ZNF682: variants seen among roughly 807,000 people sequenced by gnomAD.
The protein encoded by ZNF682 is zinc finger protein 682.
ZNF682 carries 29 observed loss-of-function variants against 36.5 expected under a neutral mutation model. The ratio of observed to expected loss-of-function variants is 0.80; its 90% CI spans 0.59 to 1.08. The LOEUF is 1.08. Ranked by LOEUF, ZNF682 falls within the 50% of genes least tolerant of loss-of-function variation. The pLI, the probability that ZNF682 is intolerant of heterozygous loss-of-function variation, is 0.00. For synonymous variants in ZNF682, 180 were observed against 197.0 expected (o/e 0.91, Z 0.72); for missense variants, 561 against 579.7 (o/e 0.97, Z 0.33).
chr19:20,007,398 ACACT>A (rs1177092952), intron 3 of ZNF682, 123 bp from the exon 4 acceptor site: 3 of 874,452 alleles, frequency 3.4e-6, no homozygotes, highest in South Asian at 2.0e-5. Context: ...CAGCTGGGAA[ACACT>A]CACTCCAAGG....
chr19:20,018,454 G>A (rs1177086667), intron 3 of ZNF682, among the ~76,000 whole-genome samples: 4 of 152,066 alleles, frequency 2.6e-5, no homozygotes, highest in African/African-American at 9.7e-5. Context: ...CAACAAAGAG[G>A]TATTACACTT....
At chr19:19,997,234 TG>T in exon 4 of ZNF682, 2 of 398,672 alleles carry the variant, frequency 5.0e-6, no homozygotes, top group East Asian at 7.1e-5. Flanking sequence ...AGGACAGGAC[TG>T]GGGTCCTACT....
rs368482233 is a variant in ZNF682 at position 20,025,570 on chromosome 19, G to A, written c.4-1194C>T. ...CACGTGCCTGTAATCCCAGCTACTC[G>A]GGAGGCAGAGGTAGCAGAATTGCTT... On this transcript the variant is annotated intron_variant, in intron 1 of 3. Transcript: ENST00000397165. Among the ~76,000 whole-genome samples, 21 of 152,116 alleles carry A rather than the reference G, an allele frequency of 1.4e-4. No homozygotes were observed. The East Asian group carries it at 2.9e-3, about 21-fold the overall frequency.
At position 20,006,730 on chromosome 19, in the gene ZNF682, T is replaced by C. The variant is rs772843196; in HGVS notation, c.772A>G (p.Lys258Glu). The C allele has an allele frequency of 6.2e-7, 1 of 1,614,024 alleles. No individual in the cohort carries two copies. ...AAGGCTTTTCCACATTCTTCACATT[T>C]GTAGGGTTTCTCACCAGTATGGATT... ...KRIHTGEKPY[K>E]CEECGKAFHW... The change falls in exon 4 of 4, where the codon AAA becomes GAA. Residue 258 changes from lysine (K) to glutamate (E), a missense_variant. Coordinates refer to ENST00000397165, the MANE Select transcript of ZNF682 (RefSeq NM_033196.3).
intron 1 of ZNF682, 25 bp from the exon 2 acceptor site, chr19:20,024,401 G>T: frequency 6.3e-7 from 1 of 1,595,878 alleles, no homozygotes; most frequent in South Asian, 1.1e-5. Flanking sequence ...AAAACATAGT[G>T]ACCAACTGTC....
intron 3 of ZNF682, among the ~76,000 whole-genome samples, chr19:20,016,290 GA>G (rs2088333995): frequency 6.6e-6 from 1 of 152,144 alleles, no homozygotes; most frequent in Admixed American, 6.6e-5. Flanking sequence ...AGGGCATAGA[GA>G]GAAGACAGGA....
In ZNF682 at chr19:20,039,373, C is replaced by G; in HGVS notation, c.-28G>C. On this transcript the variant is annotated 5_prime_UTR_variant, in exon 1 of 4. Coordinates refer to ENST00000397165, the MANE Select transcript of ZNF682 (RefSeq NM_033196.3). ...TTCGGCTTCCGGGATGTCGTGGAGT[C>G]TTAGCTCTGGATCTCACAGCATCTG... is the stretch of plus-strand genomic sequence containing the variant. 6.2e-7 allele frequency: 1 copy of G among 1,610,892 alleles called. No homozygotes were observed. The highest frequency in any genetic ancestry group is 8.5e-7 in the Non-Finnish European group (1 of 1,179,832).
rs1485872149 is a variant in ZNF682 at position 20,006,563 on chromosome 19, G to C, written c.939C>G (p.Tyr313Ter). 2 of 1,613,966 alleles carry C rather than the reference G, an allele frequency of 1.2e-6. No individual in the cohort carries two copies. Among genetic ancestry groups the C allele is most frequent in the African/African-American group, 2.7e-5 (2 of 74,914 alleles). Residue 313 changes from tyrosine (Y) to a stop codon, truncating the protein, a stop_gained, in exon 4 of 4, where the codon TAC becomes TAG. Coordinates refer to ENST00000397165, the MANE Select transcript of ZNF682 (RefSeq NM_033196.3). LOFTEE classifies it high-confidence loss of function. ...AGGCTTTCCCACATTCTTTACATTT[G>C]TAGGGTTTCTTTCCAGTGTGAATTG... ...HKTIHTGKKP[Y>*]KCKECGKAFN... is the part of the protein sequence containing the mutation.
At chr19:20,014,323 T>C (rs1419733166) in intron 3 of ZNF682, among the ~76,000 whole-genome samples, 2 of 152,216 alleles carry the variant, frequency 1.3e-5, no homozygotes, top group Non-Finnish European at 2.9e-5. Context: ...TTATCTTTCA[T>C]GTATATGGTC....
intron 1 of ZNF682, among the ~76,000 whole-genome samples, chr19:20,035,281 A>T (rs181197458): frequency 6.6e-6 from 1 of 151,982 alleles, no homozygotes; most frequent in African/African-American, 2.4e-5. Flanking sequence ...GCTGGAGTGC[A>T]GTGGCATGAT....
intron 2 of ZNF682, 139 bp from the exon 3 acceptor site, chr19:20,023,238 C>A: frequency 1.5e-6 from 1 of 685,036 alleles, no homozygotes; most frequent in Non-Finnish European, 2.3e-6. Flanking sequence ...TTGGCTCATA[C>A]CTGTAATCCC....
chr19:20,027,134 T>C (rs951752142), intron 1 of ZNF682, among the ~76,000 whole-genome samples: 2 of 152,192 alleles, frequency 1.3e-5, no homozygotes, highest in South Asian at 4.1e-4. Context: ...TCAGGTGATA[T>C]TATCTGGAAA....
chr19:20,039,072 GC>G lies in ZNF682; in HGVS notation c.3+270del, dbSNP rs533879591. 69 of 1,250,630 alleles carry G rather than the reference GC, an allele frequency of 5.5e-5. 1 individual carries two copies. In the South Asian group the frequency reaches 1.1e-3, roughly 20 times the overall value. The allele number at this position is 1,250,630 out of a possible 1,614,324, so 77.5% of individuals were successfully genotyped here. A position where few individuals can be genotyped will look rare whatever the true frequency, so the allele number is the denominator to read the frequency against. Reference sequence around the variant, plus strand: ...CGCTTCCATTGTCCCCGCAGTCGGGGCAGACGCAAGAACGCGCGCGGCTCTT... The same window carrying G: ...CGCTTCCATTGTCCCCGCAGTCGGGGAGACGCAAGAACGCGCGCGGCTCTT... On this transcript the variant is annotated intron_variant, in intron 1 of 3. Transcript: ENST00000397165.
chr19:20,025,440 G>A (rs2088422421), intron 1 of ZNF682, among the ~76,000 whole-genome samples: 1 of 152,192 alleles, frequency 6.6e-6, no homozygotes, highest in Non-Finnish European at 1.5e-5. Flanking sequence ...CACTTTGGGA[G>A]GCCAAGGTGG....
chr19:20,018,262 T>A (rs2088355074), intron 3 of ZNF682, among the ~76,000 whole-genome samples: 1 of 150,952 alleles, frequency 6.6e-6, no homozygotes, highest in Non-Finnish European at 1.5e-5. Context: ...CCCGGCTAAT[T>A]TTTTGTATTT....
At chr19:20,035,032 A>G (rs928072619) in intron 1 of ZNF682, among the ~76,000 whole-genome samples, 2 of 152,080 alleles carry the variant, frequency 1.3e-5, no homozygotes, top group African/African-American at 4.8e-5. Flanking sequence ...TGGGAGGCAC[A>G]GGTTGCAATG....
At chr19:20,017,629 A>G (rs552539017) in intron 3 of ZNF682, among the ~76,000 whole-genome samples, 1 of 152,198 alleles carries the variant, frequency 6.6e-6, no homozygotes, top group African/African-American at 2.4e-5. Context: ...TCACGGCCTC[A>G]TTCTCAATCA....
intron 1 of ZNF682, among the ~76,000 whole-genome samples, chr19:20,034,934 T>G (rs1223715613): frequency 1.3e-5 from 2 of 151,898 alleles, no homozygotes; most frequent in Non-Finnish European, 2.9e-5. Flanking sequence ...CCGTCTCTAC[T>G]AAAATCCAAA....
chr19:19,996,403 T>TTTGCAATTGCAAAAATATGGAACTAG (rs1405381327), downstream of ZNF682, among the ~76,000 whole-genome samples: 1 of 152,218 alleles, frequency 6.6e-6, no homozygotes, highest in Non-Finnish European at 1.5e-5. Context: ...AGCAGCACTA[T>TTTGCAATTGCAAAAATATGGAACTAG]TTGCAATTGC....
Sources: allele counts gnomAD v4.1 joint callset (sites outside exome capture counted in the v4.1 genomes callset), GRCh38; gene constraint gnomAD v4.1.1; transcripts MANE v1.5; gene names NCBI Gene and HGNC (gene_info 2026-07-23, HGNC 2026-07-21).